SYNE1: variants seen among roughly 807,000 people sequenced by gnomAD.
SYNE1 encodes the protein spectrin repeat containing nuclear envelope protein 1, also known as nesprin-1.
SYNE1 carries 616 observed loss-of-function variants against 1,111.0 expected under a neutral mutation model. The ratio of observed to expected loss-of-function variants is 0.55; its 90% confidence interval spans 0.52 to 0.59. SYNE1 has a LOEUF of 0.59. SYNE1 is among the 20% of genes least tolerant of loss of function. SYNE1 has a pLI of 0.00. For missense variants in SYNE1, 10,006 were observed against 10,417.0 expected, an observed-to-expected ratio of 0.96 and a Z score of 1.72; for synonymous variants, 3,855 against 3,825.8, an observed-to-expected ratio of 1.01 and a Z score of -0.28.
intron 131 of SYNE1, among the ~76,000 whole-genome samples, 177 bp from the exon 132 acceptor site, chr6:152,156,274 A>G (rs2061356194): frequency 6.6e-6 from 1 of 152,244 alleles, no homozygotes; most frequent in African/African-American, 2.4e-5. Context: ...AAGTACTAGA[A>G]AATGGATGTA....
intron 115 of SYNE1, among the ~76,000 whole-genome samples, chr6:152,226,752 G>A (rs980046430): frequency 3.3e-5 from 5 of 152,148 alleles, no homozygotes; most frequent in African/African-American, 1.2e-4. Context: ...GGTGAGGGAT[G>A]GAGTGGGGAT....
intron 67 of SYNE1, 125 bp downstream of exon 67, chr6:152,354,534 C>G: frequency 9.5e-7 from 1 of 1,053,880 alleles, no homozygotes. Context: ...TTTTAACTTT[C>G]TAGGTAATCA....
rs191958442 is a variant in SYNE1 at position 152,375,700 on chromosome 6, T to G, written c.9324+681A>C. On this transcript the variant is annotated intron_variant, in intron 58 of 145. Transcript: ENST00000367255. Reference sequence around the variant, plus strand: ...CTGACGCTTTTACCCTATTGTACACTGACAGTAACAAATTTACATACCTGA... The same window carrying G: ...CTGACGCTTTTACCCTATTGTACACGGACAGTAACAAATTTACATACCTGA... Among the ~76,000 whole-genome samples the G allele has an allele frequency of 5.7e-4, 87 of 152,336 alleles. 1 individual carries two copies. The highest frequency in any genetic ancestry group is 3.4e-3 in the Middle Eastern group (1 of 292).
chr6:152,280,578 A>C (rs976338940), intron 97 of SYNE1, among the ~76,000 whole-genome samples: 1 of 152,202 alleles, frequency 6.6e-6, no homozygotes, highest in African/African-American at 2.4e-5. Context: ...CACTATTTTA[A>C]TACTTTGGAA....
intron 3 of SYNE1, among the ~76,000 whole-genome samples, chr6:152,622,123 T>A (rs1486018779): frequency 6.6e-6 from 1 of 152,166 alleles, no homozygotes; most frequent in Non-Finnish European, 1.5e-5. Context: ...TACTTAAATT[T>A]GAGATAATTT....
intron 6 of SYNE1, among the ~76,000 whole-genome samples, chr6:152,517,757 A>G (rs1177250213): frequency 6.6e-6 from 1 of 152,216 alleles, no homozygotes; most frequent in African/African-American, 2.4e-5. Context: ...CCTTCATGTA[A>G]GAAAGACGGG....
chr6:152,388,562 G>A lies in SYNE1; in HGVS notation c.8178-1181C>T, dbSNP rs188192112. Among the ~76,000 whole-genome samples the A allele has an allele frequency of 1.2e-3, 190 of 152,304 alleles. 3 individuals are homozygous for A. Among genetic ancestry groups the A allele is most frequent in the East Asian group, 5.8e-4 (3 of 5,194 alleles). On this transcript the variant is annotated intron_variant, in intron 53 of 145. Transcript: ENST00000367255. ...AATCTGCCTAACTTGGCCTCCCAAA[G>A]TGCTGGGATTACAGGCATGAGCCAA...
At position 152,628,362 on chromosome 6, in the gene SYNE1, A is replaced by G; in HGVS notation, c.-31T>C. 2 of 1,611,694 alleles carry G rather than the reference A, an allele frequency of 1.2e-6. No individual in the cohort carries two copies. Among genetic ancestry groups the G allele is most frequent in the Non-Finnish European group, 8.5e-7 (1 of 1,177,854 alleles). On this transcript the variant is annotated 5_prime_UTR_variant, in exon 3 of 146. Transcript: ENST00000367255. ...CTCCGGAAGCACGAAGCCAACACCAAGAGACTCTTCACTGGAGGCAGCACA... is the reference window on the plus strand; with the variant it reads ...CTCCGGAAGCACGAAGCCAACACCAGGAGACTCTTCACTGGAGGCAGCACA...
intron 29 of SYNE1, among the ~76,000 whole-genome samples, chr6:152,446,517 A>T (rs1167941231): frequency 6.6e-6 from 1 of 152,162 alleles, no homozygotes; most frequent in Non-Finnish European, 1.5e-5. Context: ...TGGATTAAAA[A>T]CATGAAGGTT....
Position 152,391,591 on chromosome 6 carries a change from AAAAG to A in SYNE1, c.7713-27_7713-24del, listed in dbSNP as rs370315783. ...TCTCTGAAAAAAAGGAAAAAAAAAA[AAAAG>A]AAAAAAAATTAATTCTGACATCCTG... On this transcript the variant is annotated intron_variant, in intron 51 of 145. Transcript: ENST00000367255. The A allele has an allele frequency of 4.2e-3, 6,571 of 1,555,544 alleles. 198 individuals are homozygous for A. The African/African-American group carries it at 0.089, about 21-fold the overall frequency.
chr6:152,343,048 C>G (rs1287305260), intron 74 of SYNE1, among the ~76,000 whole-genome samples: 1 of 152,084 alleles, frequency 6.6e-6, no homozygotes, highest in Non-Finnish European at 1.5e-5. Flanking sequence ...AGGAAACTAT[C>G]TCGAAGGCTT....
chr6:152,184,833 C>A (rs1192099045), intron 128 of SYNE1, among the ~76,000 whole-genome samples: 2 of 152,106 alleles, frequency 1.3e-5, no homozygotes, highest in Non-Finnish European at 2.9e-5. Context: ...AGGGCAATGG[C>A]ATCTTCCTTC....
chr6:152,360,622 C>T (rs926105259), intron 64 of SYNE1, among the ~76,000 whole-genome samples: 2 of 152,176 alleles, frequency 1.3e-5, no homozygotes, highest in African/African-American at 2.4e-5. Flanking sequence ...TCCCCACTAA[C>T]ATACGCTTGA....
At chr6:152,585,637 C>G (rs1361332965) in intron 3 of SYNE1, among the ~76,000 whole-genome samples, 1 of 151,968 alleles carries the variant, frequency 6.6e-6, no homozygotes, top group Non-Finnish European at 1.5e-5. Context: ...TTTTGTTGTG[C>G]AGATATTTTT....
At chr6:152,395,250 G>A (rs950770055) in intron 51 of SYNE1, among the ~76,000 whole-genome samples, 2 of 152,190 alleles carry the variant, frequency 1.3e-5, no homozygotes, top group Admixed American at 1.3e-4. Flanking sequence ...AGCAACAGGA[G>A]ATAAGTGACC....
chr6:152,450,178 G>A (rs2098635867), intron 27 of SYNE1, among the ~76,000 whole-genome samples: 1 of 152,142 alleles, frequency 6.6e-6, no homozygotes, highest in Non-Finnish European at 1.5e-5. Context: ...GTTTCATAAG[G>A]GGCTTTTCCC....
At position 152,465,890 on chromosome 6, in the gene SYNE1, C is replaced by T. The variant is rs953977216; in HGVS notation, c.1729+92G>A. ...ATGGCAAGGTCACTCAAAAATTCCACGGACAGAAAGAATGATCTGATCAGA... is the reference window on the plus strand; with the variant it reads ...ATGGCAAGGTCACTCAAAAATTCCATGGACAGAAAGAATGATCTGATCAGA... On this transcript the variant is annotated intron_variant, in intron 17 of 145. Transcript: ENST00000367255. 2.3e-5 allele frequency: 22 copies of T among 960,316 alleles called. 1 individual carries two copies. The highest frequency in any genetic ancestry group is 9.4e-5 in the South Asian group (7 of 74,134). The allele number at this position is 960,316 out of a possible 1,614,324, so 59.5% of individuals were successfully genotyped here. A position where few individuals can be genotyped will look rare whatever the true frequency, so the allele number is the denominator to read the frequency against.
intron 5 of SYNE1, among the ~76,000 whole-genome samples, chr6:152,521,441 G>T (rs1277074026): frequency 1.3e-5 from 2 of 152,154 alleles, no homozygotes; most frequent in African/African-American, 4.8e-5. Context: ...TCCTAAAATG[G>T]TTGTACTACT....
At chr6:152,242,691 T>A (rs1489605233) in intron 106 of SYNE1, among the ~76,000 whole-genome samples, 1 of 152,188 alleles carries the variant, frequency 6.6e-6, no homozygotes, top group Non-Finnish European at 1.5e-5. Context: ...GTGACTTTAC[T>A]GTGTCTTGAT....
Sources: gnomAD v4.1 joint callset for allele counts (sites outside exome capture counted in the v4.1 genomes callset) on GRCh38, gnomAD v4.1.1 for gene constraint, MANE v1.5 for transcripts, NCBI Gene and HGNC (gene_info 2026-07-23, HGNC 2026-07-21) for gene names.